The following BIRC6 variants were observed in gnomAD, a reference collection of about 807,000 sequenced individuals.
BIRC6 encodes the protein baculoviral IAP repeat containing 6.
In BIRC6, 98 loss-of-function variants were observed where a neutral mutation model predicts 503.3. The ratio of observed to expected loss-of-function variants is 0.19; its 90% CI spans 0.17 to 0.23. BIRC6 has a LOEUF of 0.23. Among genes scored for constraint, BIRC6 ranks in the 10% least tolerant of loss-of-function variants. The probability of loss-of-function intolerance (pLI) is 1.00; values close to 1 mark genes in which losing one functional copy is unlikely to be tolerated. For synonymous variants in BIRC6, 2,240 were observed against 2,078.7 expected (o/e 1.08, Z -2.11); for missense variants, 5,360 against 5,806.0 (o/e 0.92, Z 2.50).
intron 8 of BIRC6, among the ~76,000 whole-genome samples, chr2:32,402,684 T>C (rs2149762470): frequency 6.6e-6 from 1 of 152,326 alleles, no homozygotes; most frequent in African/African-American, 2.4e-5. Context: ...GCAGCTTAAC[T>C]GTTGTCTGAG....
At chr2:32,407,868 C>A (rs1404012333) in intron 9 of BIRC6, among the ~76,000 whole-genome samples, 2 of 150,848 alleles carry the variant, frequency 1.3e-5, no homozygotes, top group Admixed American at 1.3e-4. Flanking sequence ...GTTTTTTTTT[C>A]TTTTAAAAAA....
At chr2:32,424,710 G>C (rs176415) in intron 10 of BIRC6, among the ~76,000 whole-genome samples, 1 of 151,656 alleles carries the variant, frequency 6.6e-6, no homozygotes, top group East Asian at 1.9e-4. Flanking sequence ...ACACTATTTC[G>C]CCATGTTGAC....
chr2:32,433,544 G>A (rs1446291368), intron 12 of BIRC6, 100 bp from the exon 13 acceptor site: 1 of 1,056,424 alleles, frequency 9.5e-7, no homozygotes, highest in African/African-American at 1.6e-5. Context: ...TTTGTTGGAA[G>A]CTGCAAAGCA....
chr2:32,521,220 A>G (rs1017529573), intron 57 of BIRC6, among the ~76,000 whole-genome samples: 10 of 151,932 alleles, frequency 6.6e-5, no homozygotes, highest in South Asian at 2.1e-4. Flanking sequence ...TAAGTAATTC[A>G]GAAGTATTGC....
In BIRC6 at chr2:32,469,334, T is replaced by TA. The variant is rs1157864077; in HGVS notation, c.6128-60dup. On this transcript the variant is annotated intron_variant, in intron 29 of 73. Transcript: ENST00000421745. ...AGAGGAAAGTGTATTTAGGCATGCG[T>TA]ATTTTAATATTATACAATACATTTA... 5.6e-6 allele frequency: 7 copies of TA among 1,259,016 alleles called. No individual in the cohort carries two copies. In the African/African-American group the frequency reaches 1.1e-4, roughly 19 times the overall value. The allele number at this position is 1,259,016 out of a possible 1,614,324, so 78.0% of individuals were successfully genotyped here. A position where few individuals can be genotyped will look rare whatever the true frequency, so the allele number is the denominator to read the frequency against.
intron 61 of BIRC6, among the ~76,000 whole-genome samples, chr2:32,541,987 A>G (rs984209119): frequency 6.6e-6 from 1 of 152,074 alleles, no homozygotes; most frequent in Non-Finnish European, 1.5e-5. Flanking sequence ...GGATACTGGT[A>G]GTTCAGGATC....
chr2:32,602,044 T>G (rs532027479), intron 70 of BIRC6, among the ~76,000 whole-genome samples: 106 of 152,326 alleles, frequency 7.0e-4, no homozygotes, highest in African/African-American at 2.5e-3. Flanking sequence ...AATAGTTATT[T>G]TAGTAAAAAT....
intron 70 of BIRC6, among the ~76,000 whole-genome samples, chr2:32,600,857 C>T (rs2062008909): frequency 6.6e-6 from 1 of 152,120 alleles, no homozygotes. Context: ...TATGAGGCTA[C>T]ATATCTGCCA....
intron 5 of BIRC6, among the ~76,000 whole-genome samples, chr2:32,394,401 C>T (rs2039609860): frequency 6.6e-6 from 1 of 151,786 alleles, no homozygotes; most frequent in South Asian, 2.1e-4. Context: ...TTGTGCCTGG[C>T]CCTTGAATTG....
chr2:32,407,029 C>G (rs1390171106), intron 9 of BIRC6, among the ~76,000 whole-genome samples: 2 of 152,090 alleles, frequency 1.3e-5, no homozygotes, highest in East Asian at 3.8e-4. Context: ...GTAGGAAAAG[C>G]TAATAGTATG....
intron 41 of BIRC6, among the ~76,000 whole-genome samples, 179 bp downstream of exon 41, chr2:32,487,980 A>G (rs1191266364): frequency 1.3e-5 from 2 of 152,170 alleles, no homozygotes; most frequent in Non-Finnish European, 2.9e-5. Context: ...ATGATGGAAC[A>G]TTGATAATTT....
At chr2:32,565,593 A>G (rs769143644) in intron 65 of BIRC6, 3 of 152,198 alleles carry the variant, frequency 2.0e-5, no homozygotes, top group South Asian at 2.1e-4. Context: ...CTAATTTCTT[A>G]TATTTCTTTA....
intron 66 of BIRC6, among the ~76,000 whole-genome samples, chr2:32,576,842 G>T (rs2060301114): frequency 6.6e-6 from 1 of 152,160 alleles, no homozygotes; most frequent in Non-Finnish European, 1.5e-5. Flanking sequence ...CAGGCAGTCA[G>T]AATCATAAAT....
At chr2:32,417,580 T>C (rs1423515250) in intron 10 of BIRC6, among the ~76,000 whole-genome samples, 4 of 152,284 alleles carry the variant, frequency 2.6e-5, no homozygotes, top group African/African-American at 9.6e-5. Flanking sequence ...AGTTGAAGCC[T>C]AAGTGACTGT....
intron 61 of BIRC6, among the ~76,000 whole-genome samples, chr2:32,542,715 A>T (rs1463362310): frequency 6.6e-6 from 1 of 152,264 alleles, no homozygotes; most frequent in Non-Finnish European, 1.5e-5. Flanking sequence ...ACTAATTATA[A>T]AGGTGGAATT....
At chr2:32,543,203 A>C in intron 61 of BIRC6, 38 bp from the exon 62 acceptor site, 1 of 1,579,750 alleles carries the variant, frequency 6.3e-7, no homozygotes, top group African/African-American at 1.4e-5. Flanking sequence ...GATGTTGAAA[A>C]TGTGAATGGC....
Position 32,515,893 on chromosome 2 carries a change from A to G in BIRC6, c.11349+123A>G, listed in dbSNP as rs886077860. The G allele has an allele frequency of 1.8e-5, 16 of 875,658 alleles. No individual in the cohort carries two copies. In the Admixed American group the frequency reaches 2.6e-4, roughly 14 times the overall value. The allele number at this position is 875,658 out of a possible 1,614,324, so 54.2% of individuals were successfully genotyped here. ...GCCTTTAAGGATCTGAATTTAAGCT[A>G]TAAAGTACTGATATCTCCTTTCTCC... is the stretch of plus-strand genomic sequence containing the variant. On this transcript the variant is annotated intron_variant, in intron 55 of 73. Transcript: ENST00000421745.
Position 32,433,636 on chromosome 2 carries a change from T to C in BIRC6, c.3249-8T>C, listed in dbSNP as rs2044375879. ...GCTTTATTTAGCATTTTTCCCCTTA[T>C]TTGACAGCAACAGCTGGGATGAACA... On this transcript the variant is annotated splice_region_variant and splice_polypyrimidine_tract_variant and intron_variant, in intron 12 of 73. Coordinates refer to ENST00000421745, the MANE Select transcript of BIRC6 (RefSeq NM_016252.4). 6.5e-7 allele frequency: 1 copy of C among 1,532,604 alleles called. No individual in the cohort carries two copies. Among genetic ancestry groups the C allele is most frequent in the African/African-American group, 1.4e-5 (1 of 74,018 alleles). The allele number at this position is 1,532,604 out of a possible 1,614,324, so 94.9% of individuals were successfully genotyped here.
chr2:32,495,790 GT>G (rs11464835), intron 45 of BIRC6, among the ~76,000 whole-genome samples: 78 of 84,802 alleles, frequency 9.2e-4, no homozygotes, highest in Admixed American at 2.9e-3. Context: ...TCAGGATGAA[GT>G]TTTTTTTTTT....
Sources: allele counts gnomAD v4.1 joint callset (sites outside exome capture counted in the v4.1 genomes callset), GRCh38; gene constraint gnomAD v4.1.1; transcripts MANE v1.5; gene names NCBI Gene and HGNC (gene_info 2026-07-23, HGNC 2026-07-21).